PRKG1: variants seen among roughly 807,000 people sequenced by gnomAD.
PRKG1 encodes the protein cGMP-dependent protein kinase 1.
Under a neutral mutation model 88.1 loss-of-function variants are expected in PRKG1, and 35 were observed. That is an observed-to-expected ratio of 0.40 (90% CI 0.30 to 0.53). The LOEUF (loss-of-function observed/expected upper bound fraction) is 0.53, where lower values mean the gene tolerates loss of function less well. Among genes scored for constraint, PRKG1 ranks in the 20% least tolerant of loss-of-function variants. The probability of loss-of-function intolerance (pLI) is 0.59; values close to 1 mark genes in which losing one functional copy is unlikely to be tolerated. For missense variants in PRKG1, 540 were observed against 839.8 expected, an observed-to-expected ratio of 0.64 and a Z score of 4.41; for synonymous variants, 303 against 292.5, an observed-to-expected ratio of 1.04 and a Z score of -0.37.
intron 4 of PRKG1, among the ~76,000 whole-genome samples, chr10:51,819,022 A>G: frequency 1.3e-5 from 1 of 77,986 alleles, no homozygotes; most frequent in South Asian, 4.3e-4. Context: ...AAAAAAAAAA[A>G]AAAAAAAAAA....
At chr10:52,047,778 G>A (rs1845897929) in intron 5 of PRKG1, among the ~76,000 whole-genome samples, 1 of 152,092 alleles carries the variant, frequency 6.6e-6, no homozygotes, top group Non-Finnish European at 1.5e-5. Flanking sequence ...AATTTCCTTT[G>A]AGGAACTGAC....
At chr10:51,750,441 A>G (rs911711191) in intron 3 of PRKG1, among the ~76,000 whole-genome samples, 2 of 152,224 alleles carry the variant, frequency 1.3e-5, no homozygotes, top group African/African-American at 2.4e-5. Context: ...ACATTTTACT[A>G]TGAGACACAG....
At chr10:51,800,351 A>C (rs138782334) in intron 3 of PRKG1, among the ~76,000 whole-genome samples, 34 of 152,232 alleles carry the variant, frequency 2.2e-4, no homozygotes, top group African/African-American at 7.9e-4. Context: ...ATAAACCCGC[A>C]TGAGTTGAAA....
chr10:51,099,094 G>C (rs1844614005), intron 1 of PRKG1, among the ~76,000 whole-genome samples: 2 of 151,988 alleles, frequency 1.3e-5, no homozygotes, highest in Non-Finnish European at 2.9e-5. Context: ...TTTTTCTGGG[G>C]AACACTCCCT....
At chr10:51,981,792 G>A (rs188305826) in intron 5 of PRKG1, among the ~76,000 whole-genome samples, 217 of 151,952 alleles carry the variant, frequency 1.4e-3, no homozygotes, top group African/African-American at 4.7e-3. Flanking sequence ...TGTGTGTCTT[G>A]GGGATGATCT....
At chr10:51,268,461 T>C (rs1839894616) in intron 2 of PRKG1, among the ~76,000 whole-genome samples, 1 of 152,138 alleles carries the variant, frequency 6.6e-6, no homozygotes, top group Non-Finnish European at 1.5e-5. Flanking sequence ...CCCTCAGGGA[T>C]GCATTCTCTT....
At chr10:51,607,143 C>A (rs1305693497) in intron 3 of PRKG1, among the ~76,000 whole-genome samples, 1 of 152,160 alleles carries the variant, frequency 6.6e-6, no homozygotes, top group African/African-American at 2.4e-5. Context: ...ATGTGCATAT[C>A]GAATTAGTAG....
At chr10:51,066,444 T>C (rs1334470096) in intron 1 of PRKG1, among the ~76,000 whole-genome samples, 1 of 152,128 alleles carries the variant, frequency 6.6e-6, no homozygotes, top group African/African-American at 2.4e-5. Context: ...TAGTTGACAG[T>C]ACTGTTTGTG....
chr10:52,188,661 T>G (rs1345001977), intron 9 of PRKG1, among the ~76,000 whole-genome samples: 2 of 152,224 alleles, frequency 1.3e-5, no homozygotes, highest in Non-Finnish European at 2.9e-5. Context: ...ATGATTTCTA[T>G]TGTGTGCACT....
rs1838368274 is a variant in PRKG1, at chr10:52,164,296, AGCCAAGACCGC to A, written c.1076+2338_1076+2348del. On this transcript the variant is annotated intron_variant, in intron 9 of 17. Coordinates refer to ENST00000373980, the MANE Select transcript of PRKG1 (RefSeq NM_006258.4). ...AACCTGGGAGGTGGAGGTTGCCGTGAGCCAAGACCGCGCCATTACCCTCCAGCCTGGGCGAC... is the reference window on the plus strand; with the variant it reads ...AACCTGGGAGGTGGAGGTTGCCGTGAGCCATTACCCTCCAGCCTGGGCGAC... 2.6e-5 allele frequency among the ~76,000 whole-genome samples: 4 copies of A among 152,094 alleles called. No individual in the cohort carries two copies. The South Asian group carries it at 8.3e-4, about 32-fold the overall frequency.
intron 7 of PRKG1, among the ~76,000 whole-genome samples, chr10:52,124,767 A>G (rs966783084): frequency 3.9e-5 from 6 of 152,210 alleles, no homozygotes; most frequent in African/African-American, 1.2e-4. Context: ...TACATATTCT[A>G]TAAGATTTTT....
chr10:51,918,652 T>G (rs1410419378), intron 5 of PRKG1, among the ~76,000 whole-genome samples: 2 of 152,076 alleles, frequency 1.3e-5, no homozygotes, highest in African/African-American at 2.4e-5. Context: ...ATTTATGGGG[T>G]TTGTAAACAA....
In PRKG1 at chr10:51,951,478, T is replaced by A. The variant is rs560935576; in HGVS notation, c.762+43908T>A. 1.1e-4 allele frequency among the ~76,000 whole-genome samples: 16 copies of A among 152,314 alleles called. No individual in the cohort carries two copies. In the South Asian group the frequency reaches 3.3e-3, roughly 32 times the overall value. On this transcript the variant is annotated intron_variant, in intron 5 of 17. Coordinates refer to ENST00000373980, the MANE Select transcript of PRKG1 (RefSeq NM_006258.4). ...ACAGAAATGATAAAATTCACTTAAC[T>A]TTTGGATATGGCCTGAATAGTTTGC...
chr10:51,316,980 A>G (rs1841339285), intron 2 of PRKG1, among the ~76,000 whole-genome samples: 4 of 152,136 alleles, frequency 2.6e-5, no homozygotes, highest in African/African-American at 9.7e-5. Context: ...AAATCTTCCC[A>G]CACACAATCT....
intron 4 of PRKG1, among the ~76,000 whole-genome samples, chr10:51,884,444 CAAAAA>C (rs57229967): frequency 0.52 from 36,270 of 70,114 alleles, 6,709 homozygotes; most frequent in African/African-American, 0.58. Flanking sequence ...AACTCCGTCT[CAAAAA>C]AAAAAAAAAA....
intron 1 of PRKG1, among the ~76,000 whole-genome samples, chr10:50,995,329 C>A (rs553183210): frequency 6.6e-6 from 1 of 152,136 alleles, no homozygotes; most frequent in South Asian, 2.1e-4. Context: ...CTAAGGAATG[C>A]TTAGATGAAA....
intron 7 of PRKG1, among the ~76,000 whole-genome samples, chr10:52,080,416 C>T (rs1846741971): frequency 6.6e-6 from 1 of 152,006 alleles, no homozygotes; most frequent in African/African-American, 2.4e-5. Flanking sequence ...GTTTTCTAAA[C>T]ATATGTTGAA....
intron 2 of PRKG1, among the ~76,000 whole-genome samples, chr10:51,235,798 C>T (rs1838970661): frequency 6.6e-6 from 1 of 151,540 alleles, no homozygotes; most frequent in African/African-American, 2.4e-5. Context: ...TCTAAGAAAC[C>T]AGGAAAGTAT....
At chr10:52,190,753 GA>G (rs1339840057) in intron 9 of PRKG1, among the ~76,000 whole-genome samples, 2 of 151,978 alleles carry the variant, frequency 1.3e-5, no homozygotes, top group African/African-American at 4.8e-5. Flanking sequence ...TTGTTATTAT[GA>G]AAATTGTCAA....
Sources: gnomAD v4.1 joint callset for allele counts (sites outside exome capture counted in the v4.1 genomes callset) on GRCh38, gnomAD v4.1.1 for gene constraint, MANE v1.5 for transcripts, NCBI Gene and HGNC (gene_info 2026-07-23, HGNC 2026-07-21) for gene names.